Variants in SUV39H2 observed in about 807,000 individuals in gnomAD.
SUV39H2 encodes SUV39H2 histone lysine methyltransferase, also known as histone-lysine N-methyltransferase SUV39H2.
Under a neutral mutation model 47.5 loss-of-function variants are expected in SUV39H2, and 10 were observed. The observed-to-expected ratio is 0.21, with a 90% CI of 0.13 to 0.36. The LOEUF is 0.36. Ranked by LOEUF, SUV39H2 falls within the 10% of genes least tolerant of loss-of-function variation. The pLI, the probability that SUV39H2 is intolerant of heterozygous loss-of-function variation, is 1.00. For missense variants in SUV39H2, 266 were observed against 487.4 expected, an observed-to-expected ratio of 0.55 and a Z score of 4.28; for synonymous variants, 159 against 166.8, an observed-to-expected ratio of 0.95 and a Z score of 0.36.
chr10:14,894,461 G>A (rs1469833952), intron 2 of SUV39H2, among the ~76,000 whole-genome samples: 1 of 100,308 alleles, frequency 1.0e-5, no homozygotes, highest in Non-Finnish European at 1.7e-5. Flanking sequence ...TCCGCCTCCC[G>A]GGTTCACGCC....
In SUV39H2 at chr10:14,894,406, C is replaced by T. The variant is rs1460908456; in HGVS notation, c.178-2440C>T. 3.7e-4 allele frequency among the ~76,000 whole-genome samples: 16 copies of T among 43,762 alleles called. 2 individuals carry two copies. The South Asian group carries it at 6.0e-3, about 16-fold the overall frequency. The allele number at this position is 43,762 out of a possible 152,430, so 28.7% of individuals were successfully genotyped here. A position where few individuals can be genotyped will look rare whatever the true frequency, so the allele number is the denominator to read the frequency against. ...TTTTTGAGACGGAGTCTCGCTCTGT[C>T]GCCCAGGCTGGAGTGCAGTGGCGCG... On this transcript the variant is annotated intron_variant, in intron 2 of 5. Coordinates refer to ENST00000354919, the MANE Select transcript of SUV39H2 (RefSeq NM_001193424.2).
intron 2 of SUV39H2, among the ~76,000 whole-genome samples, chr10:14,885,941 TG>T (rs1833194281): frequency 6.6e-6 from 1 of 152,232 alleles, no homozygotes; most frequent in Non-Finnish European, 1.5e-5. Flanking sequence ...GACCTTTTCA[TG>T]GTTCCCTATT....
intron 5 of SUV39H2, 120 bp downstream of exon 5, chr10:14,901,382 C>G: frequency 1.5e-6 from 2 of 1,331,970 alleles, no homozygotes; most frequent in Non-Finnish European, 2.1e-6. Context: ...AGTTGAGGCA[C>G]TAAGTTTGTC....
intron 2 of SUV39H2, among the ~76,000 whole-genome samples, chr10:14,884,584 T>C (rs1265864819): frequency 6.6e-6 from 1 of 152,144 alleles, no homozygotes; most frequent in Non-Finnish European, 1.5e-5. Context: ...TTTGCAAAAA[T>C]TTTCTCCCAT....
intron 1 of SUV39H2, chr10:14,880,081 A>G (rs1158629440): frequency 6.6e-6 from 1 of 152,158 alleles, no homozygotes; most frequent in Non-Finnish European, 1.5e-5. Flanking sequence ...AGCTTAACAC[A>G]AAACGTTCTC....
At chr10:14,882,640 G>A (rs1363008856) in intron 2 of SUV39H2, among the ~76,000 whole-genome samples, 1 of 152,010 alleles carries the variant, frequency 6.6e-6, no homozygotes, top group Admixed American at 6.5e-5. Context: ...TATCTTGCTT[G>A]CTTTTCCCAT....
intron 2 of SUV39H2, among the ~76,000 whole-genome samples, chr10:14,887,228 A>G (rs1484841102): frequency 6.6e-6 from 1 of 152,184 alleles, no homozygotes; most frequent in African/African-American, 2.4e-5. Context: ...AAGTAGGTGC[A>G]CGGTTCTTTT....
chr10:14,894,528 C>T (rs1429146551), intron 2 of SUV39H2, among the ~76,000 whole-genome samples: 10 of 112,680 alleles, frequency 8.9e-5, no homozygotes, highest in Non-Finnish European at 1.2e-4. Flanking sequence ...CCACCACGCC[C>T]GGCTAATTTT....
chr10:14,901,345 G>A, intron 5 of SUV39H2, 83 bp downstream of exon 5: 1 of 1,555,976 alleles, frequency 6.4e-7, no homozygotes, highest in Non-Finnish European at 8.8e-7. Context: ...TTAGATATTT[G>A]AACCAAACCT....
intron 5 of SUV39H2, among the ~76,000 whole-genome samples, chr10:14,901,687 C>T (rs937337283): frequency 2.6e-5 from 4 of 151,804 alleles, no homozygotes; most frequent in South Asian, 2.1e-4. Flanking sequence ...AAAAACTAGC[C>T]GGGCGTGGTG....
At position 14,897,319 on chromosome 10, in the gene SUV39H2, A is replaced by T; in HGVS notation, c.651A>T (p.Gln217His). The T allele has an allele frequency of 6.2e-7, 1 of 1,613,134 alleles. No individual in the cohort carries two copies. The highest frequency in any genetic ancestry group is 8.5e-7 in the Non-Finnish European group (1 of 1,179,792). ...GVLLAYNKNQ[Q>H]IKIPPGTPIY... is the part of the protein sequence containing the mutation. ...TTTTGGCTTATAATAAAAACCAACA[A>T]ATTAAAATCCCACCTGGTACTCCCA... is the stretch of plus-strand genomic sequence containing the variant. The change falls in exon 3 of 6, where the codon CAA becomes CAT. Residue 217 changes from glutamine (Q) to histidine (H), a missense_variant. By Grantham distance (24) the Gln-to-His change is conservative. Coordinates refer to ENST00000354919, the MANE Select transcript of SUV39H2 (RefSeq NM_001193424.2).
intron 3 of SUV39H2, chr10:14,898,940 G>A (rs143017583): frequency 4.5e-5 from 17 of 374,354 alleles, no homozygotes; most frequent in Non-Finnish European, 7.1e-5. Flanking sequence ...ACATTCAGTT[G>A]TGTCCTGTAG....
chr10:14,899,802 T>C (rs969077561), intron 4 of SUV39H2, 117 bp downstream of exon 4: 1 of 1,271,576 alleles, frequency 7.9e-7, no homozygotes, highest in Admixed American at 2.6e-5. Context: ...CCAAAATATG[T>C]ATTTTATAAG....
Position 14,897,211 on chromosome 10 carries a change from CAG to C in SUV39H2, c.544_545del (p.Ser182LeufsTer4). The C allele has an allele frequency of 6.2e-7, 1 of 1,613,878 alleles. No individual in the cohort carries two copies. The highest frequency in any genetic ancestry group is 1.1e-5 in the South Asian group (1 of 91,082). ...INEYKPAPGI[S>X]LVNEATFGCS... ...ACGAATACAAACCAGCTCCTGGAAT[CAG>C]CTTAGTCAATGAAGCTACCTTTGGT... On this transcript the variant is annotated frameshift_variant, in exon 3 of 6. Transcript: ENST00000354919. LOFTEE classifies it high-confidence loss of function.
rs138926668 is a variant in SUV39H2, at chr10:14,901,696, T to C, written c.1126+434T>C. On this transcript the variant is annotated intron_variant, in intron 5 of 5. Coordinates refer to ENST00000354919, the MANE Select transcript of SUV39H2 (RefSeq NM_001193424.2). ...ATATGAAAAAACTAGCCGGGCGTGG[T>C]GGCGTGTGCCTGTAGTCCCAGCTAC... 6.4e-3 allele frequency among the ~76,000 whole-genome samples: 976 copies of C among 152,154 alleles called. 33 individuals are homozygous for C. In the East Asian group the frequency reaches 0.098, roughly 15 times the overall value.
intron 2 of SUV39H2, among the ~76,000 whole-genome samples, chr10:14,895,359 G>A (rs529166780): frequency 6.6e-6 from 1 of 152,050 alleles, no homozygotes; most frequent in South Asian, 2.1e-4. Flanking sequence ...TGTATTTTTA[G>A]TAGACAGGGT....
chr10:14,890,265 A>G (rs1336705815), intron 2 of SUV39H2, among the ~76,000 whole-genome samples: 2 of 152,208 alleles, frequency 1.3e-5, no homozygotes, highest in African/African-American at 2.4e-5. Flanking sequence ...ACTTTTTTCA[A>G]TTCTGGGTGT....
intron 2 of SUV39H2, among the ~76,000 whole-genome samples, chr10:14,894,130 C>T (rs1033484013): frequency 6.6e-6 from 1 of 152,024 alleles, no homozygotes; most frequent in South Asian, 2.1e-4. Context: ...CCACTAACAG[C>T]AGTCCTGAAT....
chr10:14,894,220 A>T (rs1588844856), intron 2 of SUV39H2, among the ~76,000 whole-genome samples: 1 of 146,420 alleles, frequency 6.8e-6, no homozygotes, highest in South Asian at 2.1e-4. Flanking sequence ...ATGTACATCT[A>T]GGCTTTTTTT....
Sources: allele counts gnomAD v4.1 joint callset (sites outside exome capture counted in the v4.1 genomes callset), GRCh38; gene constraint gnomAD v4.1.1; transcripts MANE v1.5; gene names NCBI Gene and HGNC (gene_info 2026-07-23, HGNC 2026-07-21).